Variants in DAP observed in about 807,000 individuals in gnomAD.
The protein encoded by DAP is death associated protein, also known as death-associated protein 1.
Under a neutral mutation model 13.8 loss-of-function variants are expected in DAP, and 8 were observed. The ratio of observed to expected loss-of-function variants is 0.58; its 90% confidence interval spans 0.34 to 1.05. The LOEUF is 1.05. Among genes scored for constraint, DAP ranks in the 50% least tolerant of loss-of-function variants. The pLI is 0.03. For missense variants in DAP, 106 were observed against 133.2 expected, an observed-to-expected ratio of 0.80 and a Z score of 1.01; for synonymous variants, 47 against 47.5, an observed-to-expected ratio of 0.99 and a Z score of 0.04.
chr5:10,750,142 A>G (rs1317785726), intron 1 of DAP, among the ~76,000 whole-genome samples: 1 of 152,186 alleles, frequency 6.6e-6, no homozygotes, highest in African/African-American at 2.4e-5. Flanking sequence ...AAGACGGCTA[A>G]CATCACGATA....
In DAP at chr5:10,761,212, G is replaced by A. The variant is rs966021064; in HGVS notation, c.-144C>T. ...CGCGTGGGGCGCCGGGGCCGCGCGA[G>A]CCGGGTGAGTGCCACTGCCGTTAAG... On this transcript the variant is annotated 5_prime_UTR_variant, in exon 1 of 4. Coordinates refer to ENST00000230895, the MANE Select transcript of DAP (RefSeq NM_004394.3). The A allele has an allele frequency of 7.0e-6, 2 of 286,716 alleles. No individual in the cohort carries two copies. Among genetic ancestry groups the A allele is most frequent in the African/African-American group, 2.3e-5 (1 of 43,714 alleles). 17.8% of individuals were successfully genotyped at this position (286,716 alleles called of 1,614,324 possible).
At chr5:10,715,659 T>C (rs1227931492) in intron 2 of DAP, among the ~76,000 whole-genome samples, 2 of 152,252 alleles carry the variant, frequency 1.3e-5, no homozygotes, top group South Asian at 2.1e-4. Flanking sequence ...ATTAACGCAG[T>C]TGTTAGGAAG....
chr5:10,729,624 T>G (rs1429208667), intron 2 of DAP, among the ~76,000 whole-genome samples: 1 of 152,228 alleles, frequency 6.6e-6, no homozygotes, highest in Non-Finnish European at 1.5e-5. Context: ...CTTTCTTCGG[T>G]TGTCCCTACC....
chr5:10,733,114 A>G (rs1289140033), intron 2 of DAP, among the ~76,000 whole-genome samples: 1 of 151,746 alleles, frequency 6.6e-6, no homozygotes, highest in African/African-American at 2.4e-5. Context: ...GACGTGGCAT[A>G]TGACAGGATT....
chr5:10,760,961 T>C lies in DAP; in HGVS notation c.55+53A>G, dbSNP rs905734061. On this transcript the variant is annotated intron_variant, in intron 1 of 3. Transcript: ENST00000230895. ...GGAGCCCCCGCCCGGCGCCCCCGGG[T>C]TCGAGCCCGCCCCCGGCACCCGCGC... The C allele has an allele frequency of 1.2e-5, 14 of 1,140,176 alleles. No individual in the cohort carries two copies. The African/African-American group carries it at 2.3e-4, about 19-fold the overall frequency. The allele number at this position is 1,140,176 out of a possible 1,614,324, so 70.6% of individuals were successfully genotyped here. A position where few individuals can be genotyped will look rare whatever the true frequency, so the allele number is the denominator to read the frequency against.
At chr5:10,756,924 C>G (rs989722107) in intron 1 of DAP, among the ~76,000 whole-genome samples, 3 of 152,232 alleles carry the variant, frequency 2.0e-5, no homozygotes, top group African/African-American at 7.2e-5. Flanking sequence ...GCACTCACCC[C>G]ATTTCTCTGC....
intron 2 of DAP, among the ~76,000 whole-genome samples, chr5:10,720,764 G>T (rs1739114568): frequency 6.6e-6 from 1 of 152,200 alleles, no homozygotes; most frequent in Admixed American, 6.5e-5. Context: ...GCTACCTAGT[G>T]ACTAGTTGAT....
intron 2 of DAP, among the ~76,000 whole-genome samples, chr5:10,689,591 G>T (rs1300738041): frequency 6.6e-6 from 1 of 152,224 alleles, no homozygotes; most frequent in African/African-American, 2.4e-5. Flanking sequence ...TGAAAATCAT[G>T]CTAGGCTCAG....
At chr5:10,714,008 G>A (rs1230085921) in intron 2 of DAP, among the ~76,000 whole-genome samples, 3 of 152,210 alleles carry the variant, frequency 2.0e-5, no homozygotes, top group Non-Finnish European at 4.4e-5. Flanking sequence ...TTTCCACATG[G>A]AAAGGGCATA....
intron 2 of DAP, among the ~76,000 whole-genome samples, chr5:10,702,863 TA>T (rs1738615961): frequency 6.6e-6 from 1 of 152,140 alleles, no homozygotes; most frequent in South Asian, 2.1e-4. Flanking sequence ...GTCTTTTTAA[TA>T]AAGTGCGATG....
intron 3 of DAP, among the ~76,000 whole-genome samples, chr5:10,682,059 CCCCAGGCCAACGCCCA>C (rs1488682466): frequency 5.3e-5 from 8 of 151,370 alleles, no homozygotes; most frequent in Non-Finnish European, 8.8e-5. Flanking sequence ...GGTGAGGAAG[CCCCAGGCCAACGCCCA>C]CCAGCGTCCC....
chr5:10,702,279 G>T (rs1001179773), intron 2 of DAP, among the ~76,000 whole-genome samples: 11 of 152,338 alleles, frequency 7.2e-5, no homozygotes, highest in African/African-American at 2.6e-4. Context: ...TCGTGGCCAG[G>T]CAGTGAATGA....
intron 2 of DAP, among the ~76,000 whole-genome samples, chr5:10,686,339 T>A (rs2126635509): frequency 6.6e-6 from 1 of 152,314 alleles, no homozygotes; most frequent in East Asian, 1.9e-4. Flanking sequence ...AAGAGTTGCA[T>A]GTCTCTCACT....
chr5:10,753,917 G>C (rs999082141), intron 1 of DAP, among the ~76,000 whole-genome samples: 13 of 152,178 alleles, frequency 8.5e-5, no homozygotes, highest in African/African-American at 3.1e-4. Context: ...CCAGTGGAAG[G>C]AACAAAACAA....
chr5:10,713,988 C>T (rs541225541), intron 2 of DAP, among the ~76,000 whole-genome samples: 1 of 152,320 alleles, frequency 6.6e-6, no homozygotes, highest in Non-Finnish European at 1.5e-5. Flanking sequence ...TTAAACTAGG[C>T]CGTGGGTTCT....
intron 2 of DAP, among the ~76,000 whole-genome samples, chr5:10,697,353 T>TTTA (rs1738460494): frequency 6.6e-6 from 1 of 152,228 alleles, no homozygotes; most frequent in Non-Finnish European, 1.5e-5. Context: ...AACGATCATC[T>TTTA]ATGTATTAAA....
At chr5:10,711,160 GA>G (rs745356955) in intron 2 of DAP, among the ~76,000 whole-genome samples, 120 of 152,334 alleles carry the variant, frequency 7.9e-4, no homozygotes, top group Non-Finnish European at 1.1e-3. Flanking sequence ...TGAGGGGAGA[GA>G]AAAGGGTTTT....
intron 2 of DAP, among the ~76,000 whole-genome samples, chr5:10,735,866 G>T (rs187751143): frequency 1.4e-4 from 21 of 152,344 alleles, no homozygotes; most frequent in African/African-American, 4.8e-4. Flanking sequence ...CTGCTTGCTT[G>T]TTGTGGGTTG....
intron 2 of DAP, among the ~76,000 whole-genome samples, chr5:10,688,403 A>T (rs1738210773): frequency 6.6e-6 from 1 of 152,192 alleles, no homozygotes; most frequent in South Asian, 2.1e-4. Context: ...TAAGTTATGC[A>T]TTGTTTTTTA....
Sources: gnomAD v4.1 joint callset for allele counts (sites outside exome capture counted in the v4.1 genomes callset) on GRCh38, gnomAD v4.1.1 for gene constraint, MANE v1.5 for transcripts, NCBI Gene and HGNC (gene_info 2026-07-23, HGNC 2026-07-21) for gene names.